The following ATP11B variants were observed in gnomAD, a reference collection of about 807,000 sequenced individuals.
The protein encoded by ATP11B is phospholipid-transporting ATPase IF.
A neutral mutation model predicts 157.8 loss-of-function variants in ATP11B; 81 were observed. The observed-to-expected ratio is 0.51, with a 90% CI of 0.43 to 0.62. The LOEUF (loss-of-function observed/expected upper bound fraction) is 0.62, where lower values mean the gene tolerates loss of function less well. Among genes scored for constraint, ATP11B ranks in the 20% least tolerant of loss-of-function variants. The pLI, the probability that ATP11B is intolerant of heterozygous loss-of-function variation, is 0.00. For missense variants in ATP11B, 1,165 were observed against 1,402.2 expected (o/e 0.83, Z 2.70); for synonymous variants, 451 against 469.4 (o/e 0.96, Z 0.51).
At chr3:182,848,707 G>T (rs377142066) in intron 10 of ATP11B, 150 bp downstream of exon 10, 2 of 304,394 alleles carry the variant, frequency 6.6e-6, no homozygotes. Flanking sequence ...TTACATACAA[G>T]TAACATTTTG....
intron 28 of ATP11B, among the ~76,000 whole-genome samples, chr3:182,904,152 G>C (rs1467700664): frequency 1.3e-5 from 2 of 152,234 alleles, no homozygotes; most frequent in African/African-American, 2.4e-5. Flanking sequence ...AGACCTGAAT[G>C]CTGGTGCTGC....
chr3:182,854,197 C>T (rs1221749380), intron 10 of ATP11B, among the ~76,000 whole-genome samples: 5 of 152,172 alleles, frequency 3.3e-5, no homozygotes, highest in African/African-American at 1.2e-4. Context: ...GAGCTGGGCG[C>T]GGTGGCTCAC....
intron 24 of ATP11B, among the ~76,000 whole-genome samples, chr3:182,889,104 G>T (rs550258022): frequency 4.0e-4 from 61 of 151,300 alleles, no homozygotes; most frequent in Non-Finnish European, 1.0e-4. Flanking sequence ...CTTGTGATCC[G>T]CCCACCTTGG....
intron 17 of ATP11B, among the ~76,000 whole-genome samples, chr3:182,869,651 T>C (rs1358571826): frequency 6.6e-6 from 1 of 152,202 alleles, no homozygotes; most frequent in Non-Finnish European, 1.5e-5. Context: ...CACATATTGC[T>C]GGTAAGATTA....
Position 182,866,423 on chromosome 3 carries a change from T to A in ATP11B, c.1599T>A (p.Ala533=). ...EYYASSPDEK[A]LVEAAARIGI... is the part of the protein sequence containing the mutation. ...ATGCATCTTCACCAGATGAAAAGGC[T>A]CTAGTAGAAGCTGCTGCAAGGTAAT... The change falls in exon 14 of 30, where the codon GCT becomes GCA. Residue 533 remains alanine (A), a synonymous_variant. Coordinates refer to ENST00000323116, the MANE Select transcript of ATP11B (RefSeq NM_014616.3). 6.2e-7 allele frequency: 1 copy of A among 1,607,890 alleles called. No individual in the cohort carries two copies. Among genetic ancestry groups the A allele is most frequent in the Middle Eastern group, 1.7e-4 (1 of 6,038 alleles).
At chr3:182,861,349 G>C (rs1000192177) in intron 12 of ATP11B, among the ~76,000 whole-genome samples, 9 of 152,158 alleles carry the variant, frequency 5.9e-5, no homozygotes, top group African/African-American at 1.7e-4. Flanking sequence ...ACAGGTGTGA[G>C]CCACTGTGCC....
chr3:182,902,563 TTAGG>T, intron 28 of ATP11B: 2 of 1,288,552 alleles, frequency 1.6e-6, no homozygotes, highest in Non-Finnish European at 1.0e-6. Flanking sequence ...CTGAGCAAAC[TTAGG>T]TAGAGTAGGA....
At chr3:182,828,044 A>T (rs1161218226) in intron 2 of ATP11B, 76 bp from the exon 3 acceptor site, 6 of 605,882 alleles carry the variant, frequency 9.9e-6, no homozygotes, top group Middle Eastern at 5.0e-4. Flanking sequence ...AACCGATTTT[A>T]CTTTACTTCT....
rs144661433 is a variant in ATP11B at position 182,802,880 on chromosome 3, T to C, written c.27+9094T>C. On this transcript the variant is annotated intron_variant, in intron 1 of 29. Transcript: ENST00000323116. ...TTTAGGTGACACCATTTCTTTCTCA[T>C]GTATTGATGAATTGAGTCATTTTCT... Among the ~76,000 whole-genome samples, 47 of 152,294 alleles carry C rather than the reference T, an allele frequency of 3.1e-4. 1 individual carries two copies. The East Asian group carries it at 8.3e-3, about 27-fold the overall frequency.
At chr3:182,858,680 C>T (rs545373058) in intron 11 of ATP11B, among the ~76,000 whole-genome samples, 14 of 152,212 alleles carry the variant, frequency 9.2e-5, no homozygotes, top group African/African-American at 3.1e-4. Flanking sequence ...CCGCTAAAGC[C>T]GTTAAAGTAG....
intron 19 of ATP11B, among the ~76,000 whole-genome samples, chr3:182,878,198 A>G (rs1057062771): frequency 6.6e-6 from 1 of 152,108 alleles, no homozygotes; most frequent in African/African-American, 2.4e-5. Flanking sequence ...AGTACAACAC[A>G]ACAGTGATTA....
At chr3:182,793,868 C>G (rs972760471) in intron 1 of ATP11B, 82 bp downstream of exon 1, 1 of 999,812 alleles carries the variant, frequency 1.0e-6, no homozygotes, top group Non-Finnish European at 1.3e-6. Flanking sequence ...AGGCCGGCGG[C>G]GCGGAGCCGG....
intron 28 of ATP11B, among the ~76,000 whole-genome samples, chr3:182,901,797 A>G (rs1220207268): frequency 6.6e-6 from 1 of 152,184 alleles, no homozygotes; most frequent in African/African-American, 2.4e-5. Context: ...AAGTGCTTTT[A>G]TATATTTTGG....
chr3:182,835,477 G>A (rs1398618546), intron 4 of ATP11B, among the ~76,000 whole-genome samples: 1 of 152,146 alleles, frequency 6.6e-6, no homozygotes, highest in Non-Finnish European at 1.5e-5. Flanking sequence ...CCAGATTTCT[G>A]GCAAGAACAG....
chr3:182,919,669 A>G lies in ATP11B; in HGVS notation c.*1565A>G, dbSNP rs1471930934. 6.6e-6 allele frequency: 1 copy of G among 152,224 alleles called. No homozygotes were observed. Among genetic ancestry groups the G allele is most frequent in the African/African-American group, 2.4e-5 (1 of 41,466 alleles). 9.4% of individuals were successfully genotyped at this position (152,224 alleles called of 1,614,324 possible). On this transcript the variant is annotated 3_prime_UTR_variant, in exon 30 of 30. Coordinates refer to ENST00000323116, the MANE Select transcript of ATP11B (RefSeq NM_014616.3). ...TAAGCTTCCTTCCCATTTCATGAATATAAGGCTTCTAGAATTGGACTGGCA... is the reference window on the plus strand; with the variant it reads ...TAAGCTTCCTTCCCATTTCATGAATGTAAGGCTTCTAGAATTGGACTGGCA...
rs1304544691 is a variant in ATP11B at position 182,918,179 on chromosome 3, A to C, written c.*75A>C. 6.3e-7 allele frequency: 1 copy of C among 1,579,104 alleles called. No homozygotes were observed. Among genetic ancestry groups the C allele is most frequent in the Non-Finnish European group, 8.6e-7 (1 of 1,162,380 alleles). On this transcript the variant is annotated 3_prime_UTR_variant, in exon 30 of 30. Transcript: ENST00000323116. ...CAGTGTGATCACCCTGTTAATGGCC[A>C]CACTAGCTCTGAAATTAATTTCCAA...
At chr3:182,853,994 G>C (rs1459620274) in intron 10 of ATP11B, among the ~76,000 whole-genome samples, 1 of 152,020 alleles carries the variant, frequency 6.6e-6, no homozygotes, top group African/African-American at 2.4e-5. Flanking sequence ...TTCATGTGTG[G>C]GTTTGTTGAT....
intron 28 of ATP11B, among the ~76,000 whole-genome samples, chr3:182,900,687 C>T (rs1449755386): frequency 6.6e-6 from 1 of 152,086 alleles, no homozygotes; most frequent in Non-Finnish European, 1.5e-5. Context: ...AATAATTTGT[C>T]TCCCTGTTTT....
At chr3:182,798,490 G>C (rs576938338) in intron 1 of ATP11B, among the ~76,000 whole-genome samples, 2 of 152,318 alleles carry the variant, frequency 1.3e-5, no homozygotes, top group East Asian at 1.9e-4. Context: ...AGATCTGTGA[G>C]TATGTGCTGC....
Sources: gnomAD v4.1 joint callset for allele counts (sites outside exome capture counted in the v4.1 genomes callset) on GRCh38, gnomAD v4.1.1 for gene constraint, MANE v1.5 for transcripts, NCBI Gene and HGNC (gene_info 2026-07-23, HGNC 2026-07-21) for gene names.